SIN3A: variants seen among roughly 807,000 people sequenced by gnomAD.
SIN3A encodes the protein paired amphipathic helix protein Sin3a.
A neutral mutation model predicts 146.1 loss-of-function variants in SIN3A; 14 were observed. The ratio of observed to expected loss-of-function variants is 0.10; its 90% CI spans 0.06 to 0.15. The LOEUF is 0.15. SIN3A is among the 10% of genes least tolerant of loss of function. The probability of loss-of-function intolerance (pLI) is 1.00; values close to 1 mark genes in which losing one functional copy is unlikely to be tolerated. For missense variants in SIN3A, 1,028 were observed against 1,576.0 expected, an observed-to-expected ratio of 0.65 and a Z score of 5.89; for synonymous variants, 572 against 572.0, an observed-to-expected ratio of 1.00 and a Z score of 0.00.
chr15:75,451,139 G>A (rs1386712384), intron 1 of SIN3A, among the ~76,000 whole-genome samples: 2 of 148,508 alleles, frequency 1.3e-5, no homozygotes, highest in East Asian at 2.0e-4. Flanking sequence ...AGCCGGCCCC[G>A]CCCCTTTCTC....
chr15:75,421,300 T>C (rs1307205174), intron 3 of SIN3A: 1 of 152,234 alleles, frequency 6.6e-6, no homozygotes, highest in African/African-American at 2.4e-5. Flanking sequence ...TGAAAATGTT[T>C]TAAAGGAAAC....
rs552124222 is a variant in SIN3A, at chr15:75,411,815, G to A, written c.757-72C>T. On this transcript the variant is annotated intron_variant, in intron 5 of 20. Coordinates refer to ENST00000394947, the MANE Select transcript of SIN3A (RefSeq NM_001145358.2). ...TGATACAAGGAAAGTTCAAACTAAA[G>A]AGAAACAAGGTGTCAACGTATATCC... is the stretch of plus-strand genomic sequence containing the variant. 7 of 1,463,590 alleles carry A rather than the reference G, an allele frequency of 4.8e-6. No individual in the cohort carries two copies. The African/African-American group carries it at 7.1e-5, about 15-fold the overall frequency. The allele number at this position is 1,463,590 out of a possible 1,614,324, so 90.7% of individuals were successfully genotyped here. A position where few individuals can be genotyped will look rare whatever the true frequency, so the allele number is the denominator to read the frequency against.
intron 1 of SIN3A, among the ~76,000 whole-genome samples, chr15:75,450,115 A>T (rs1339503731): frequency 6.6e-6 from 1 of 152,138 alleles, no homozygotes; most frequent in Non-Finnish European, 1.5e-5. Flanking sequence ...CCATGTGCAC[A>T]ATGAAAGCAT....
intron 15 of SIN3A, among the ~76,000 whole-genome samples, chr15:75,390,024 C>T (rs562372041): frequency 6.6e-6 from 1 of 152,308 alleles, no homozygotes; most frequent in East Asian, 1.9e-4. Context: ...AGTGACTCTG[C>T]AACTTTAACA....
At chr15:75,453,696 C>G (rs1410629203), upstream of SIN3A, 1 of 152,282 alleles carries the variant, frequency 6.6e-6, no homozygotes, top group Non-Finnish European at 1.5e-5. Flanking sequence ...GCAGAGTTCT[C>G]GAGCTTAAGC....
intron 1 of SIN3A, among the ~76,000 whole-genome samples, chr15:75,434,792 C>A (rs1157851478): frequency 6.7e-6 from 1 of 149,342 alleles, no homozygotes. Flanking sequence ...CTACTAAAAA[C>A]ACAAAATTAG....
chr15:75,424,221 T>C (rs970289343), intron 2 of SIN3A, among the ~76,000 whole-genome samples: 5 of 151,628 alleles, frequency 3.3e-5, no homozygotes, highest in Non-Finnish European at 7.4e-5. Flanking sequence ...TCACCTGAGG[T>C]TGGGAGTTCT....
At position 75,369,958 on chromosome 15, in the gene SIN3A, A is replaced by G. The variant is rs1212006163; in HGVS notation, c.*2021T>C. The G allele has an allele frequency of 6.6e-6, 1 of 152,324 alleles. No homozygotes were observed. Among genetic ancestry groups the G allele is most frequent in the Non-Finnish European group, 1.5e-5 (1 of 68,098 alleles). The allele number at this position is 152,324 out of a possible 1,614,324, so 9.4% of individuals were successfully genotyped here. On this transcript the variant is annotated 3_prime_UTR_variant, in exon 21 of 21. Coordinates refer to ENST00000394947, the MANE Select transcript of SIN3A (RefSeq NM_001145358.2). ...ACAGTCTCTTCTCCCCAGTACAAAA[A>G]AAGCCTAAAATCAGGCCAGGGTGGC...
chr15:75,386,282 C>T (rs905494744), intron 16 of SIN3A, among the ~76,000 whole-genome samples: 3 of 152,206 alleles, frequency 2.0e-5, no homozygotes, highest in Non-Finnish European at 2.9e-5. Flanking sequence ...CCCGCCTTGG[C>T]CTCCCAAACT....
At chr15:75,421,989 C>T (rs1408300321) in intron 3 of SIN3A, 1 of 152,180 alleles carries the variant, frequency 6.6e-6, no homozygotes. Context: ...AAAGATTCCC[C>T]CCAAAAAGGA....
At chr15:75,394,005 G>A (rs1470146953) in intron 14 of SIN3A, among the ~76,000 whole-genome samples, 4 of 151,620 alleles carry the variant, frequency 2.6e-5, no homozygotes, top group South Asian at 2.1e-4. Flanking sequence ...ACGGGGTTTC[G>A]TCATGTTGGC....
chr15:75,392,875 A>G, intron 14 of SIN3A, 60 bp from the exon 15 acceptor site: 1 of 1,233,564 alleles, frequency 8.1e-7, no homozygotes, highest in Non-Finnish European at 1.1e-6. Flanking sequence ...ACATGTCTAC[A>G]AGACCACATC....
chr15:75,434,371 C>T (rs529475878), intron 1 of SIN3A, among the ~76,000 whole-genome samples: 3 of 152,204 alleles, frequency 2.0e-5, no homozygotes, highest in Admixed American at 1.3e-4. Flanking sequence ...TAAAGTAGGC[C>T]GGGCGCGGTG....
chr15:75,449,488 T>C (rs780809809), intron 1 of SIN3A, among the ~76,000 whole-genome samples: 4 of 152,192 alleles, frequency 2.6e-5, no homozygotes, highest in Admixed American at 1.3e-4. Flanking sequence ...GAAAAGATAA[T>C]GTATCAAGTG....
chr15:75,405,291 A>C (rs966234168), intron 9 of SIN3A, among the ~76,000 whole-genome samples: 5 of 151,240 alleles, frequency 3.3e-5, no homozygotes, highest in African/African-American at 1.2e-4. Context: ...GCTTGAACCC[A>C]GGAGATGGAG....
At chr15:75,398,921 T>C (rs966168363) in intron 12 of SIN3A, among the ~76,000 whole-genome samples, 1 of 151,728 alleles carries the variant, frequency 6.6e-6, no homozygotes, top group East Asian at 1.9e-4. Flanking sequence ...CTAATGCATG[T>C]GGGGCTTAAA....
Position 75,410,393 on chromosome 15 carries a change from G to A in SIN3A, c.1009-107C>T, listed in dbSNP as rs2073610382. The A allele has an allele frequency of 1.3e-5, 14 of 1,115,224 alleles. No individual in the cohort carries two copies. In the East Asian group the frequency reaches 3.4e-4, roughly 27 times the overall value. 69.1% of individuals were successfully genotyped at this position (1,115,224 alleles called of 1,614,324 possible). ...TATCTATTTAGGCTGCATGTAAGAAGAAAGTCTATGTTCTTAGCACCCGTT... is the reference window on the plus strand; with the variant it reads ...TATCTATTTAGGCTGCATGTAAGAAAAAAGTCTATGTTCTTAGCACCCGTT... On this transcript the variant is annotated intron_variant, in intron 6 of 20. Transcript: ENST00000394947.
At chr15:75,401,250 C>T (rs189077076) in intron 10 of SIN3A, among the ~76,000 whole-genome samples, 61 of 152,200 alleles carry the variant, frequency 4.0e-4, no homozygotes, top group Admixed American at 3.6e-3. Flanking sequence ...ATTCCAGACT[C>T]GGTGTAGTGG....
chr15:75,384,676 A>G (rs1372073772), intron 16 of SIN3A, among the ~76,000 whole-genome samples: 14 of 152,310 alleles, frequency 9.2e-5, no homozygotes, highest in Admixed American at 2.6e-4. Flanking sequence ...TTTCCTATCT[A>G]TTTAAAATAA....
Sources: gnomAD v4.1 joint callset for allele counts (sites outside exome capture counted in the v4.1 genomes callset) on GRCh38, gnomAD v4.1.1 for gene constraint, MANE v1.5 for transcripts, NCBI Gene and HGNC (gene_info 2026-07-23, HGNC 2026-07-21) for gene names.